CACNA1C: variants seen among roughly 807,000 people sequenced by gnomAD.
CACNA1C encodes voltage-dependent L-type calcium channel subunit alpha-1C.
In CACNA1C, 30 loss-of-function variants were observed where a neutral mutation model predicts 229.0. The ratio of observed to expected loss-of-function variants is 0.13; its 90% confidence interval spans 0.10 to 0.18. The LOEUF is 0.18. Ranked by LOEUF, CACNA1C falls within the 10% of genes least tolerant of loss-of-function variation. CACNA1C has a pLI of 1.00. For synonymous variants in CACNA1C, 1,114 were observed against 1,132.5 expected (o/e 0.98, Z 0.33); for missense variants, 1,658 against 2,845.0 (o/e 0.58, Z 9.49).
chr12:2,367,220 A>T (rs1307922563), intron 3 of CACNA1C, among the ~76,000 whole-genome samples: 1 of 152,222 alleles, frequency 6.6e-6, no homozygotes, highest in Non-Finnish European at 1.5e-5. Flanking sequence ...GATCTCTCAC[A>T]TGCGCAGTTC....
intron 18 of CACNA1C, among the ~76,000 whole-genome samples, chr12:2,589,790 C>T (rs989941391): frequency 2.6e-5 from 4 of 152,156 alleles, no homozygotes; most frequent in African/African-American, 7.2e-5. Context: ...AGGATGGCAG[C>T]TTGGACAGGG....
At position 2,140,950 on chromosome 12, in the gene CACNA1C, G is replaced by A. The variant is rs530813851; in HGVS notation, c.477+20520G>A. On this transcript the variant is annotated intron_variant, in intron 3 of 46. Coordinates refer to ENST00000399655, the MANE Select transcript of CACNA1C (RefSeq NM_000719.7). ...AAAGTAAAGGAGATAATGAGATGGAGAGTTCCAGGGTAAGGGCCCACCTGG... is the reference window on the plus strand; with the variant it reads ...AAAGTAAAGGAGATAATGAGATGGAAAGTTCCAGGGTAAGGGCCCACCTGG... Among the ~76,000 whole-genome samples, 13 of 151,416 alleles carry A rather than the reference G, an allele frequency of 8.6e-5. No homozygotes were observed. In the South Asian group the frequency reaches 2.7e-3, roughly 32 times the overall value.
At chr12:2,451,186 G>T (rs778523450) in intron 4 of CACNA1C, among the ~76,000 whole-genome samples, 3 of 152,202 alleles carry the variant, frequency 2.0e-5, no homozygotes, top group Non-Finnish European at 4.4e-5. Context: ...GAGAGATTTT[G>T]CTGCTTCTGC....
intron 19 of CACNA1C, among the ~76,000 whole-genome samples, chr12:2,594,702 C>T (rs1014012094): frequency 3.3e-5 from 5 of 152,222 alleles, no homozygotes; most frequent in Non-Finnish European, 7.3e-5. Context: ...TCCAGTGTTT[C>T]TTCAGATTTC....
chr12:2,016,724 C>A (rs769740203), intron 1 of CACNA1C, among the ~76,000 whole-genome samples: 1 of 152,182 alleles, frequency 6.6e-6, no homozygotes, highest in African/African-American at 2.4e-5. Flanking sequence ...GCCACCATGC[C>A]CATCTGTTTA....
chr12:2,263,096 G>T (rs1367220047), intron 3 of CACNA1C, among the ~76,000 whole-genome samples: 2 of 152,226 alleles, frequency 1.3e-5, no homozygotes, highest in South Asian at 4.1e-4. Flanking sequence ...GAGGGGTCAG[G>T]GAAGGTGTTA....
At chr12:2,552,087 AG>A (rs2041584923) in intron 10 of CACNA1C, among the ~76,000 whole-genome samples, 2 of 152,238 alleles carry the variant, frequency 1.3e-5, no homozygotes, top group South Asian at 4.1e-4. Context: ...AATAAGACCA[AG>A]CAAGCAAAAT....
chr12:2,272,964 C>T (rs1193382250), intron 3 of CACNA1C, among the ~76,000 whole-genome samples: 1 of 152,174 alleles, frequency 6.6e-6, no homozygotes, highest in Non-Finnish European at 1.5e-5. Context: ...TAATTTTGTC[C>T]GCGTTAGAAG....
chr12:2,592,703 A>ATTTTTTTTTTTTT (rs55789235), intron 18 of CACNA1C, among the ~76,000 whole-genome samples: 2 of 131,604 alleles, frequency 1.5e-5, no homozygotes, highest in Non-Finnish European at 1.6e-5. Flanking sequence ...CAGCACATGA[A>ATTTTTTTTTTTTT]TTTTTTTTTT....
intron 1 of CACNA1C, among the ~76,000 whole-genome samples, chr12:2,088,703 G>A (rs2068736082): frequency 6.6e-6 from 1 of 152,136 alleles, no homozygotes; most frequent in Non-Finnish European, 1.5e-5. Flanking sequence ...CCATGTATCT[G>A]AAGGGCCTCA....
intron 1 of CACNA1C, among the ~76,000 whole-genome samples, chr12:1,989,422 G>T (rs1277242775): frequency 1.3e-5 from 2 of 151,936 alleles, no homozygotes; most frequent in Non-Finnish European, 2.9e-5. Context: ...AAGGGAAAGG[G>T]AAAGGAAAGG....
At chr12:2,317,981 C>T (rs1381719634) in intron 3 of CACNA1C, among the ~76,000 whole-genome samples, 1 of 152,152 alleles carries the variant, frequency 6.6e-6, no homozygotes, top group African/African-American at 2.4e-5. Context: ...GGGAGCCAGG[C>T]CTGAGGAAGT....
chr12:2,009,621 C>G (rs539407940), intron 1 of CACNA1C, among the ~76,000 whole-genome samples: 1 of 152,300 alleles, frequency 6.6e-6, no homozygotes, highest in Non-Finnish European at 1.5e-5. Context: ...TGATGCTATG[C>G]TTTTGCCATC....
chr12:2,116,350 G>GCCCTGGC lies in CACNA1C; in HGVS notation c.371+805_371+806insCCCTGGC, dbSNP rs2083835401. Among the ~76,000 whole-genome samples the GCCCTGGC allele has an allele frequency of 1.3e-4, 19 of 151,740 alleles. 2 individuals carry two copies. The South Asian group carries it at 3.8e-3, about 30-fold the overall frequency. On this transcript the variant is annotated intron_variant, in intron 2 of 46. Transcript: ENST00000399655. ...GCCCCTTACTTCATCAGAATCCTGG[G>GCCCTGGC]GCTGTAGAAATTGGGAAGGACTTTT...
intron 18 of CACNA1C, among the ~76,000 whole-genome samples, chr12:2,589,220 T>C (rs2153275290): frequency 6.6e-6 from 1 of 152,296 alleles, no homozygotes; most frequent in Non-Finnish European, 1.5e-5. Flanking sequence ...CTCCTGGAAC[T>C]GACATATCAG....
At chr12:2,332,294 C>CT in intron 3 of CACNA1C, among the ~76,000 whole-genome samples, 1 of 152,268 alleles carries the variant, frequency 6.6e-6, no homozygotes, top group South Asian at 2.1e-4. Context: ...GGGGAAGCAT[C>CT]TATGTGAGTG....
Position 2,319,991 on chromosome 12 carries a change from G to A in CACNA1C, c.478-128985G>A, listed in dbSNP as rs1446328135. 6.6e-6 allele frequency among the ~76,000 whole-genome samples: 1 copy of A among 152,150 alleles called. No homozygotes were observed. Among genetic ancestry groups the A allele is most frequent in the Non-Finnish European group, 1.5e-5 (1 of 68,016 alleles). ...CCCTTTAAAGCTCCTGTCCCTGGGG[G>A]TTTTGCTGCAGGATGGTCTCTGAAG... On this transcript the variant is annotated intron_variant, in intron 3 of 46. Transcript: ENST00000399655. The surrounding 1 kb of genome is among the most constrained non-coding windows in gnomAD (Gnocchi z 4.0).
chr12:2,323,511 G>A (rs1311388437), intron 3 of CACNA1C, among the ~76,000 whole-genome samples: 1 of 152,116 alleles, frequency 6.6e-6, no homozygotes, highest in Non-Finnish European at 1.5e-5. Context: ...ACCCACATAG[G>A]AGGCGGGATC....
At chr12:2,652,373 C>T (rs2095082448) in intron 32 of CACNA1C, among the ~76,000 whole-genome samples, 1 of 152,216 alleles carries the variant, frequency 6.6e-6, no homozygotes, top group South Asian at 2.1e-4. Flanking sequence ...ACAATCAGCC[C>T]CTGCCAGCTC....
Sources: allele counts gnomAD v4.1 joint callset (sites outside exome capture counted in the v4.1 genomes callset), GRCh38; gene constraint gnomAD v4.1.1; non-coding constraint Gnocchi (gnomAD v3.1); transcripts MANE v1.5; gene names NCBI Gene and HGNC (gene_info 2026-07-23, HGNC 2026-07-21).